IMMP2L: variants seen among roughly 807,000 people sequenced by gnomAD.
IMMP2L encodes the protein mitochondrial inner membrane protease subunit 2.
In IMMP2L, 18 loss-of-function variants were observed where a neutral mutation model predicts 19.3. The observed-to-expected ratio is 0.93, with a 90% CI of 0.64 to 1.38. The LOEUF (loss-of-function observed/expected upper bound fraction) is 1.38. IMMP2L is among the 40% of genes most tolerant of loss of function. The pLI is 0.00. For missense variants in IMMP2L, 233 were observed against 218.2 expected (o/e 1.07, Z -0.43); for synonymous variants, 76 against 73.0 (o/e 1.04, Z -0.21).
At chr7:111,401,136 T>A (rs779708756) in intron 3 of IMMP2L, among the ~76,000 whole-genome samples, 5 of 152,126 alleles carry the variant, frequency 3.3e-5, no homozygotes, top group Non-Finnish European at 4.4e-5. Flanking sequence ...CTTGTTGAAA[T>A]ACCCCAAAAA....
intron 5 of IMMP2L, among the ~76,000 whole-genome samples, chr7:110,735,637 TATATATATTAGACAA>T (rs1796568765): frequency 7.3e-6 from 1 of 137,868 alleles, no homozygotes; most frequent in Non-Finnish European, 1.5e-5. Flanking sequence ...TCTACAAATA[TATATATATTAGACAA>T]ATATATATAT....
chr7:110,859,343 A>G (rs569718609), intron 5 of IMMP2L, among the ~76,000 whole-genome samples: 18 of 152,092 alleles, frequency 1.2e-4, no homozygotes, highest in Non-Finnish European at 2.1e-4. Flanking sequence ...GAAAACCTAA[A>G]TGAAAAAATG....
At chr7:111,182,525 A>G (rs556909920) in intron 3 of IMMP2L, among the ~76,000 whole-genome samples, 1 of 152,048 alleles carries the variant, frequency 6.6e-6, no homozygotes, top group South Asian at 2.1e-4. Context: ...TTCTCAGTTT[A>G]TTTATCAACT....
intron 3 of IMMP2L, among the ~76,000 whole-genome samples, chr7:111,227,389 AAGATGGAAGT>A: frequency 6.6e-6 from 1 of 152,270 alleles, no homozygotes; most frequent in South Asian, 2.1e-4. Context: ...TCAATAAGGA[AAGATGGAAGT>A]AGAATATATT....
At chr7:111,226,087 A>C (rs1170589262) in intron 3 of IMMP2L, among the ~76,000 whole-genome samples, 1 of 152,022 alleles carries the variant, frequency 6.6e-6, no homozygotes, top group Non-Finnish European at 1.5e-5. Context: ...CTTTGCCTAA[A>C]ATCATACCTC....
At chr7:111,193,106 G>A (rs1809076637) in intron 3 of IMMP2L, among the ~76,000 whole-genome samples, 1 of 152,154 alleles carries the variant, frequency 6.6e-6, no homozygotes. Context: ...AGAACAGAGA[G>A]AAAGGAAAAG....
chr7:111,286,998 G>A (rs1820558931), intron 3 of IMMP2L, among the ~76,000 whole-genome samples: 1 of 152,158 alleles, frequency 6.6e-6, no homozygotes, highest in Non-Finnish European at 1.5e-5. Context: ...TGCAAAATGT[G>A]CTCTCCCTAG....
At chr7:110,906,973 C>T (rs258993) in intron 4 of IMMP2L, among the ~76,000 whole-genome samples, 81,039 of 151,582 alleles carry the variant, frequency 0.53, 23,074 homozygotes, top group East Asian at 0.84. Flanking sequence ...TGAGCAGGTA[C>T]AGGAGCTGGG....
rs1370352365 is a variant in IMMP2L at position 110,800,434 on chromosome 7, A to G, written c.408+86159T>C. The stretch of plus-strand genomic sequence containing the variant: ...TCTGCAGAGAATTTTTGAATGGCCA[A>G]GAAAAGAGAACAAAACCAGAAAATA... On this transcript the variant is annotated intron_variant, in intron 5 of 5. Transcript: ENST00000405709. Among the ~76,000 whole-genome samples, 5 of 152,054 alleles carry G rather than the reference A, an allele frequency of 3.3e-5. No homozygotes were observed. In the East Asian group the frequency reaches 9.7e-4, roughly 29 times the overall value.
intron 3 of IMMP2L, among the ~76,000 whole-genome samples, chr7:111,068,816 G>T (rs1286391394): frequency 6.6e-6 from 1 of 152,082 alleles, no homozygotes; most frequent in African/African-American, 2.4e-5. Context: ...CAAACCATGA[G>T]ATCATTCTAA....
intron 5 of IMMP2L, among the ~76,000 whole-genome samples, chr7:110,745,200 G>A (rs1209399137): frequency 2.0e-5 from 3 of 152,154 alleles, no homozygotes; most frequent in Non-Finnish European, 4.4e-5. Context: ...CAAGATTAGA[G>A]AAACAAGATT....
chr7:110,977,541 G>T (rs1041250092), intron 3 of IMMP2L, among the ~76,000 whole-genome samples: 1 of 151,884 alleles, frequency 6.6e-6, no homozygotes. Context: ...TGAACTTCTC[G>T]CTTCTAAGAT....
intron 5 of IMMP2L, among the ~76,000 whole-genome samples, chr7:110,861,215 T>G (rs1807392665): frequency 6.6e-6 from 1 of 151,896 alleles, no homozygotes; most frequent in South Asian, 2.1e-4. Context: ...TTTGCTAATT[T>G]AATTTCCATT....
chr7:111,068,840 G>A (rs1794723479), intron 3 of IMMP2L, among the ~76,000 whole-genome samples: 1 of 152,178 alleles, frequency 6.6e-6, no homozygotes, highest in Non-Finnish European at 1.5e-5. Flanking sequence ...TTTTAGAAAT[G>A]ACATGTCAGA....
chr7:111,539,806 C>A (rs1157373361), intron 1 of IMMP2L, among the ~76,000 whole-genome samples: 1 of 152,088 alleles, frequency 6.6e-6, no homozygotes, highest in African/African-American at 2.4e-5. Context: ...TTTCATATTT[C>A]TTGGTTAGAC....
At position 111,124,424 on chromosome 7, in the gene IMMP2L, G is replaced by A. The variant is rs138143387; in HGVS notation, c.240-160859C>T. 1.4e-5 allele frequency: 23 copies of A among 1,613,768 alleles called. No individual in the cohort carries two copies. Among genetic ancestry groups the A allele is most frequent in the Admixed American group, 3.3e-5 (2 of 59,916 alleles). On this transcript the variant is annotated intron_variant, in intron 3 of 5. Transcript: ENST00000405709. ...GCAAGTTCTAAAATTCTCAAATCTA[G>A]TGTTAAATGGACAGCCTTTGTCAAG...
At chr7:110,833,522 C>T (rs935534362) in intron 5 of IMMP2L, among the ~76,000 whole-genome samples, 1 of 151,296 alleles carries the variant, frequency 6.6e-6, no homozygotes, top group South Asian at 2.1e-4. Context: ...TAGGGGCATT[C>T]TTAGACCATC....
chr7:111,322,920 C>T (rs112318330), intron 3 of IMMP2L, among the ~76,000 whole-genome samples: 1,798 of 151,676 alleles, frequency 0.012, 29 homozygotes, highest in Middle Eastern at 0.054. Context: ...GCATTAAATA[C>T]TTACATAATT....
At chr7:110,703,906 T>C (rs1034464874) in intron 5 of IMMP2L, among the ~76,000 whole-genome samples, 38 of 151,800 alleles carry the variant, frequency 2.5e-4, no homozygotes, top group African/African-American at 9.2e-4. Context: ...AGTGCAGTGG[T>C]GTGATCTGGG....
Sources: allele counts gnomAD v4.1 joint callset (sites outside exome capture counted in the v4.1 genomes callset), GRCh38; gene constraint gnomAD v4.1.1; transcripts MANE v1.5; gene names NCBI Gene and HGNC (gene_info 2026-07-23, HGNC 2026-07-21).